Variants in THRAP3 observed in about 807,000 individuals in gnomAD.
THRAP3 encodes the protein thyroid hormone receptor associated protein 3, also known as thyroid hormone receptor-associated protein 3.
A neutral mutation model predicts 101.0 loss-of-function variants in THRAP3; 16 were observed. The ratio of observed to expected loss-of-function variants is 0.16; its 90% CI spans 0.11 to 0.24. THRAP3 has a LOEUF of 0.24. Ranked by LOEUF, THRAP3 falls within the 10% of genes least tolerant of loss-of-function variation. The pLI is 1.00. For missense variants in THRAP3, 989 were observed against 1,202.7 expected (o/e 0.82, Z 2.63); for synonymous variants, 407 against 422.6 (o/e 0.96, Z 0.45).
chr1:36,240,348 A>G (rs1645140877), intron 1 of THRAP3, among the ~76,000 whole-genome samples: 1 of 152,216 alleles, frequency 6.6e-6, no homozygotes, highest in African/African-American at 2.4e-5. Context: ...TGCAAGTCCT[A>G]GAGTCCAAAG....
At chr1:36,253,154 T>C (rs1482755820) in intron 1 of THRAP3, among the ~76,000 whole-genome samples, 1 of 18,104 alleles carries the variant, frequency 5.5e-5, no homozygotes, top group Non-Finnish European at 1.9e-4. Flanking sequence ...TTTGAAAATG[T>C]CTTCACACAG....
At chr1:36,233,933 G>C (rs1050722558) in intron 1 of THRAP3, among the ~76,000 whole-genome samples, 2 of 152,002 alleles carry the variant, frequency 1.3e-5, no homozygotes, top group Non-Finnish European at 2.9e-5. Context: ...ATACTTTGAG[G>C]CTCTGCTTAA....
intron 2 of THRAP3, among the ~76,000 whole-genome samples, chr1:36,280,759 C>T (rs559068692): frequency 6.7e-4 from 102 of 152,002 alleles, no homozygotes; most frequent in Admixed American, 1.2e-3. Flanking sequence ...GGAAGATGTC[C>T]AAGGCGCTAA....
At chr1:36,248,904 CTT>C (rs752119832) in intron 1 of THRAP3, among the ~76,000 whole-genome samples, 3 of 143,934 alleles carry the variant, frequency 2.1e-5, no homozygotes, top group Non-Finnish European at 3.1e-5. Flanking sequence ...TTCTTTCTTT[CTT>C]TTTTTTTTTT....
In THRAP3 at chr1:36,268,890, T is replaced by A. The variant is rs187735570; in HGVS notation, c.-32+9406T>A. On this transcript the variant is annotated intron_variant, in intron 2 of 11. Coordinates refer to ENST00000354618, the MANE Select transcript of THRAP3 (RefSeq NM_005119.4). ...ACAGGCGCCCGCCACCACGCCCAGC[T>A]AATTTTTCTATTTTTAGTAGAGATG... Among the ~76,000 whole-genome samples, 488 of 152,274 alleles carry A rather than the reference T, an allele frequency of 3.2e-3. 4 individuals carry two copies. The highest frequency in any genetic ancestry group is 0.011 in the African/African-American group (469 of 41,544).
chr1:36,272,794 G>C (rs532766670), intron 2 of THRAP3, among the ~76,000 whole-genome samples: 36 of 152,244 alleles, frequency 2.4e-4, no homozygotes, highest in African/African-American at 8.7e-4. Flanking sequence ...TTGTTCAAAC[G>C]TGGCACTAGT....
intron 1 of THRAP3, among the ~76,000 whole-genome samples, chr1:36,246,186 T>A (rs1202345844): frequency 6.6e-6 from 1 of 152,162 alleles, no homozygotes. Flanking sequence ...CACCTGGGGC[T>A]GGCAGACTGG....
intron 1 of THRAP3, among the ~76,000 whole-genome samples, chr1:36,258,706 C>T (rs1000505002): frequency 2.0e-5 from 3 of 152,146 alleles, no homozygotes; most frequent in South Asian, 4.1e-4. Flanking sequence ...ATCTCGATCT[C>T]CTGACCTCGT....
chr1:36,222,905 G>A (rs1456209515), upstream of THRAP3, among the ~76,000 whole-genome samples: 1 of 151,854 alleles, frequency 6.6e-6, no homozygotes, highest in Non-Finnish European at 1.5e-5. Flanking sequence ...GAGGCAGGTG[G>A]ATCACTTGAG....
upstream of THRAP3, among the ~76,000 whole-genome samples, chr1:36,221,693 C>T (rs147816840): frequency 5.3e-5 from 8 of 152,334 alleles, no homozygotes; most frequent in African/African-American, 1.9e-4. Context: ...AAGCGATTCT[C>T]GTGCCTCAAC....
chr1:36,213,675 G>A, the THRAP3 span, among the ~76,000 whole-genome samples: 2 of 151,346 alleles, frequency 1.3e-5, no homozygotes, highest in African/African-American at 2.4e-5. Flanking sequence ...GTGAAACCCC[G>A]TCTCTACTAA....
Position 36,289,378 on chromosome 1 carries a change from G to A in THRAP3, c.1359G>A (p.Met453Ile), listed in dbSNP as rs142341231. ...ESEFDDEPKFMSKVIGANKNQ... is the reference protein window; with the variant it reads ...ESEFDDEPKFISKVIGANKNQ... ...AGTTTGATGATGAACCCAAATTTAT[G>A]TCTAAAGTCATAGGTGCAAACAAAA... The change falls in exon 5 of 12, where the codon ATG becomes ATA. Residue 453 changes from methionine (M) to isoleucine (I), a missense_variant. Coordinates refer to ENST00000354618, the MANE Select transcript of THRAP3 (RefSeq NM_005119.4). 155 of 1,614,164 alleles carry A rather than the reference G, an allele frequency of 9.6e-5. No homozygotes were observed. Among genetic ancestry groups the A allele is most frequent in the Admixed American group, 1.7e-4 (10 of 60,018 alleles).
At chr1:36,259,590 T>A in intron 2 of THRAP3, 106 bp downstream of exon 2, 1 of 389,218 alleles carries the variant, frequency 2.6e-6, no homozygotes, top group East Asian at 3.6e-5. Flanking sequence ...CATGGTGAGA[T>A]CCTGTCTCTA....
intron 1 of THRAP3, among the ~76,000 whole-genome samples, chr1:36,257,093 G>A (rs768543629): frequency 1.3e-5 from 2 of 152,106 alleles, no homozygotes; most frequent in Non-Finnish European, 2.9e-5. Context: ...CACCGCGCTT[G>A]GCCAACATTG....
the THRAP3 span, among the ~76,000 whole-genome samples, chr1:36,213,997 GGAAAGAAAGAAAGAAA>G: frequency 0.051 from 4,142 of 80,570 alleles, 214 homozygotes; most frequent in Middle Eastern, 0.06. Context: ...AAGAAAGAAA[GGAAAGAAAGAAAGAAA>G]GAAAGAAAGA....
chr1:36,221,809 CTTTT>C (rs74850064), upstream of THRAP3, among the ~76,000 whole-genome samples: 1 of 139,908 alleles, frequency 7.1e-6, no homozygotes. Flanking sequence ...TGGTCTTGAA[CTTTT>C]TTTTTTTTTT....
rs750522750 is a variant in THRAP3, at chr1:36,286,638, A to T, written c.408A>T (p.Ser136=). The T allele has an allele frequency of 1.9e-6, 3 of 1,614,068 alleles. No individual in the cohort carries two copies. Among genetic ancestry groups the T allele is most frequent in the Non-Finnish European group, 1.7e-6 (2 of 1,180,034 alleles). The part of the protein sequence containing the change: ...RSRSPKRRSP[S]PRSRSHSRNS... ...GGTCCCCAAAGAGAAGGTCCCCTTC[A>T]CCAAGGTCCAGGAGCCATTCTAGAA... is the stretch of plus-strand genomic sequence containing the variant. The change falls in exon 4 of 12, where the codon TCA becomes TCT. Residue 136 remains serine (S), a synonymous_variant. Transcript: ENST00000354618. The surrounding 1 kb of genome is among the most constrained non-coding windows in gnomAD (Gnocchi z 5.5).
intron 2 of THRAP3, among the ~76,000 whole-genome samples, chr1:36,261,704 C>T (rs1179026929): frequency 6.6e-6 from 1 of 152,044 alleles, no homozygotes. Flanking sequence ...TAGATAGCTT[C>T]GAGTAGTATT....
intron 4 of THRAP3, chr1:36,287,848 C>T (rs1645815609): frequency 5.1e-6 from 5 of 985,404 alleles, no homozygotes; most frequent in Non-Finnish European, 6.0e-6. Flanking sequence ...ACAGTGCTTC[C>T]GTCTTTCTCC....
Sources: gnomAD v4.1 joint callset for allele counts (sites outside exome capture counted in the v4.1 genomes callset) on GRCh38, gnomAD v4.1.1 for gene constraint, Gnocchi (gnomAD v3.1) non-coding constraint, MANE v1.5 for transcripts, NCBI Gene and HGNC (gene_info 2026-07-23, HGNC 2026-07-21) for gene names.